The following CREBBP variants were observed in gnomAD, a reference collection of about 807,000 sequenced individuals.
The protein encoded by CREBBP is CREB binding lysine acetyltransferase.
A neutral mutation model predicts 265.0 loss-of-function variants in CREBBP; 19 were observed. The ratio of observed to expected loss-of-function variants is 0.07; its 90% CI spans 0.05 to 0.11. The LOEUF (loss-of-function observed/expected upper bound fraction) is 0.11. Among genes scored for constraint, CREBBP ranks in the 10% least tolerant of loss-of-function variants. The probability of loss-of-function intolerance (pLI) is 1.00; values close to 1 mark genes in which losing one functional copy is unlikely to be tolerated. For synonymous variants in CREBBP, 1,457 were observed against 1,223.7 expected (o/e 1.19, Z -3.98); for missense variants, 2,525 against 3,219.0 (o/e 0.78, Z 5.22).
chr16:3,744,277 A>G (rs979242064), intron 23 of CREBBP, among the ~76,000 whole-genome samples: 7 of 152,122 alleles, frequency 4.6e-5, no homozygotes, highest in Non-Finnish European at 1.0e-4. Flanking sequence ...GCCAGCACCC[A>G]CGGGACAGAC....
chr16:3,808,558 A>G (rs574933694), intron 3 of CREBBP, among the ~76,000 whole-genome samples: 1 of 152,368 alleles, frequency 6.6e-6, no homozygotes, highest in African/African-American at 2.4e-5. Flanking sequence ...AGTCCCGGGC[A>G]GAAACTGCCC....
intron 27 of CREBBP, 176 bp downstream of exon 27, chr16:3,736,474 A>G (rs1406436719): frequency 1.0e-6 from 1 of 958,136 alleles, no homozygotes; most frequent in Non-Finnish European, 1.6e-6. Flanking sequence ...GCCAGGGGAA[A>G]GCCTCAATCA....
intron 24 of CREBBP, 76 bp downstream of exon 24, chr16:3,740,323 G>T (rs2151339362): frequency 6.4e-7 from 1 of 1,570,510 alleles, no homozygotes; most frequent in Non-Finnish European, 8.8e-7. Context: ...AAACTCAAGA[G>T]CTTTGCAGAG....
chr16:3,744,130 G>C (rs923798131), intron 23 of CREBBP, among the ~76,000 whole-genome samples: 6 of 152,118 alleles, frequency 3.9e-5, no homozygotes, highest in Non-Finnish European at 8.8e-5. Context: ...GTAACAGGTT[G>C]TTCCTTCTAT....
chr16:3,761,537 C>G, intron 16 of CREBBP: 1 of 518,808 alleles, frequency 1.9e-6, no homozygotes. Context: ...GAACATGCCT[C>G]AGGGCTCATT....
chr16:3,735,450 C>T (rs1214157133), intron 28 of CREBBP, among the ~76,000 whole-genome samples: 1 of 152,198 alleles, frequency 6.6e-6, no homozygotes, highest in Non-Finnish European at 1.5e-5. Flanking sequence ...GTGCCCCCTC[C>T]CACAACCGGC....
rs551018184 is a variant in CREBBP at position 3,852,035 on chromosome 16, C to CAAAAAAAAAAAAA, written c.86-1039_86-1027dup. On this transcript the variant is annotated intron_variant, in intron 1 of 30. Transcript: ENST00000262367. ...CCTGGGCAACAGCGAGACTCCATCT[C>CAAAAAAAAAAAAA]AAAAAAAAAAAAAAAAAAAAAAAAA... Among the ~76,000 whole-genome samples the CAAAAAAAAAAAAA allele has an allele frequency of 2.7e-4, 3 of 11,200 alleles. 1 individual carries two copies. The highest frequency in any genetic ancestry group is 3.5e-4 in the Non-Finnish European group (2 of 5,672). 7.3% of individuals were successfully genotyped at this position (11,200 alleles called of 152,430 possible).
intron 2 of CREBBP, among the ~76,000 whole-genome samples, chr16:3,832,388 T>C (rs2054360309): frequency 2.0e-5 from 3 of 152,216 alleles, no homozygotes; most frequent in African/African-American, 7.2e-5. Context: ...CAGAAAGTTA[T>C]AGACCCATAT....
intron 11 of CREBBP, among the ~76,000 whole-genome samples, chr16:3,775,533 A>G (rs577937982): frequency 6.6e-6 from 1 of 152,358 alleles, no homozygotes; most frequent in East Asian, 1.9e-4. Flanking sequence ...GAGAAGGCTC[A>G]AAGGATGACT....
chr16:3,851,358 G>C (rs1363609150), intron 1 of CREBBP, among the ~76,000 whole-genome samples: 1 of 148,182 alleles, frequency 6.7e-6, no homozygotes, highest in South Asian at 2.2e-4. Flanking sequence ...AAGTTTGTTT[G>C]GGAAAATAAA....
At chr16:3,738,911 T>A (rs548821873) in intron 25 of CREBBP, among the ~76,000 whole-genome samples, 2 of 152,282 alleles carry the variant, frequency 1.3e-5, no homozygotes, top group South Asian at 2.1e-4. Context: ...CATGCCCAGA[T>A]AATTTATTTT....
At chr16:3,871,596 G>A (rs1443329438) in intron 1 of CREBBP, among the ~76,000 whole-genome samples, 1 of 152,148 alleles carries the variant, frequency 6.6e-6, no homozygotes, top group Non-Finnish European at 1.5e-5. Context: ...TGTTGTACAA[G>A]CCTTCTCTAC....
At chr16:3,781,089 T>TCA in intron 7 of CREBBP, 115 bp downstream of exon 7, 1 of 1,105,322 alleles carries the variant, frequency 9.0e-7, no homozygotes, top group Non-Finnish European at 1.4e-6. Context: ...CATTCACCCC[T>TCA]CACCACCCCA....
At chr16:3,749,821 A>G (rs915719040) in intron 20 of CREBBP, 138 bp from the exon 21 acceptor site, 22 of 624,216 alleles carry the variant, frequency 3.5e-5, no homozygotes, top group Non-Finnish European at 2.3e-5. Context: ...TCTCAAGTAC[A>G]TGTAATAACG....
chr16:3,787,402 G>A (rs767591997), intron 5 of CREBBP, among the ~76,000 whole-genome samples: 16 of 152,136 alleles, frequency 1.1e-4, no homozygotes, highest in Non-Finnish European at 2.1e-4. Context: ...CGACCCTTTG[G>A]TGCTTAAGTC....
At chr16:3,767,324 C>A (rs1315081101) in intron 16 of CREBBP, 10 of 229,936 alleles carry the variant, frequency 4.3e-5, no homozygotes, top group Non-Finnish European at 6.9e-5. Context: ...TAATGACCAT[C>A]TTCCTTAAAT....
chr16:3,762,529 A>T (rs927715875), intron 16 of CREBBP, among the ~76,000 whole-genome samples: 5 of 151,904 alleles, frequency 3.3e-5, no homozygotes, highest in African/African-American at 1.2e-4. Context: ...TTCTGTAAGA[A>T]GATCCCATAT....
chr16:3,839,728 G>A (rs1160699489), intron 2 of CREBBP, among the ~76,000 whole-genome samples: 2 of 135,248 alleles, frequency 1.5e-5, no homozygotes, highest in Non-Finnish European at 3.2e-5. Flanking sequence ...GGGAGGGGGA[G>A]GGGGAGGGAA....
intron 13 of CREBBP, among the ~76,000 whole-genome samples, chr16:3,772,328 A>AACACACACAC (rs34060381): frequency 5.3e-4 from 77 of 145,354 alleles, no homozygotes; most frequent in African/African-American, 1.5e-3. Context: ...CTGAAACACA[A>AACACACACAC]ACACACACAC....
Sources: allele counts gnomAD v4.1 joint callset (sites outside exome capture counted in the v4.1 genomes callset), GRCh38; gene constraint gnomAD v4.1.1; transcripts MANE v1.5; gene names NCBI Gene and HGNC (gene_info 2026-07-23, HGNC 2026-07-21).